Variants in EDA observed in about 807,000 individuals in gnomAD.
EDA encodes ectodysplasin A.
In EDA, 2 loss-of-function variants were observed where a neutral mutation model predicts 23.6. The ratio of observed to expected loss-of-function variants is 0.08; its 90% CI spans 0.03 to 0.27. The LOEUF is 0.27. Ranked by LOEUF, EDA falls within the 10% of genes least tolerant of loss-of-function variation. The pLI is 1.00. For missense variants in EDA, 229 were observed against 324.2 expected, an observed-to-expected ratio of 0.71 and a Z score of 2.26; for synonymous variants, 131 against 132.0, an observed-to-expected ratio of 0.99 and a Z score of 0.05.
chrX:69,948,514 C>A (rs1387722818), intron 1 of EDA, among the ~76,000 whole-genome samples: 5 of 111,901 alleles, frequency 4.5e-5, no homozygotes, highest in African/African-American at 1.6e-4. Flanking sequence ...CACCACCACC[C>A]CCACCCCACT....
chrX:69,999,340 T>C (rs1265707423), intron 2 of EDA, among the ~76,000 whole-genome samples: 3 of 111,356 alleles, frequency 2.7e-5, no homozygotes, highest in African/African-American at 9.8e-5. Flanking sequence ...GGGCTAAGTA[T>C]AGTGGCTCAC....
intron 1 of EDA, among the ~76,000 whole-genome samples, chrX:69,652,485 TA>T (rs1025892627): frequency 9.0e-6 from 1 of 111,652 alleles, no homozygotes; most frequent in Non-Finnish European, 1.9e-5. Context: ...TGGCACAGAT[TA>T]AAAAAAGGGA....
intron 1 of EDA, among the ~76,000 whole-genome samples, chrX:69,823,682 A>G (rs572553847): frequency 7.2e-5 from 7 of 97,193 alleles, no homozygotes; most frequent in Non-Finnish European, 1.2e-4. Flanking sequence ...CTTTTGCTGT[A>G]CAGAAGCTCT....
At chrX:69,744,790 T>C (rs2013566597) in intron 1 of EDA, among the ~76,000 whole-genome samples, 2 of 111,886 alleles carry the variant, frequency 1.8e-5, no homozygotes, top group Admixed American at 1.9e-4. Context: ...TCGATCCTTA[T>C]AATGGTGCTT....
chrX:69,969,473 G>A (rs1326301025), intron 2 of EDA, among the ~76,000 whole-genome samples: 2 of 111,580 alleles, frequency 1.8e-5, no homozygotes, highest in Non-Finnish European at 3.8e-5. Flanking sequence ...AGATTATAAA[G>A]TATGAATTGT....
intron 1 of EDA, among the ~76,000 whole-genome samples, chrX:69,872,665 T>A (rs1036298753): frequency 7.2e-5 from 8 of 111,791 alleles, no homozygotes; most frequent in African/African-American, 1.3e-4. Flanking sequence ...AACATTATAT[T>A]AATGATAGAA....
At chrX:70,003,890 G>C (rs1470714429) in intron 2 of EDA, among the ~76,000 whole-genome samples, 1 of 111,489 alleles carries the variant, frequency 9.0e-6, no homozygotes, top group East Asian at 2.8e-4. Context: ...ATGTCACACA[G>C]GACCCTGGTG....
At chrX:69,773,501 G>A (rs925759197) in intron 1 of EDA, among the ~76,000 whole-genome samples, 1 of 111,710 alleles carries the variant, frequency 9.0e-6, no homozygotes, top group African/African-American at 3.3e-5. Flanking sequence ...GTTTTCCACA[G>A]CAGCTCCACC....
At chrX:69,939,991 G>A (rs68183758) in intron 1 of EDA, among the ~76,000 whole-genome samples, 4,068 of 111,292 alleles carry the variant, frequency 0.037, 190 homozygotes, top group African/African-American at 0.13. Context: ...CAGTTTGCTA[G>A]TATTTTGTTG....
intron 1 of EDA, among the ~76,000 whole-genome samples, chrX:69,740,427 GT>G (rs1287818127): frequency 2.7e-5 from 3 of 109,143 alleles, no homozygotes; most frequent in Admixed American, 9.7e-5. Flanking sequence ...GGTTGATGGT[GT>G]TTTTTTTTGT....
intron 1 of EDA, among the ~76,000 whole-genome samples, chrX:69,789,882 A>G (rs1162302161): frequency 8.9e-6 from 1 of 112,256 alleles, no homozygotes; most frequent in East Asian, 2.8e-4. Context: ...GGAAAATTGA[A>G]GCAGAGAGGC....
At position 69,946,184 on chromosome X, in the gene EDA, T is replaced by A. The variant is rs1172435736; in HGVS notation, c.397-10843T>A. On this transcript the variant is annotated intron_variant, in intron 1 of 7. Transcript: ENST00000374552. ...AATCCTCGGGTTTGTTTCAGGCTTT[T>A]ATTATGGACTAAATCCTTGCTGATT... Among the ~76,000 whole-genome samples, 3 of 111,957 alleles carry A rather than the reference T, an allele frequency of 2.7e-5. No individual in the cohort carries two copies. In the East Asian group the frequency reaches 8.4e-4, roughly 31 times the overall value.
intron 1 of EDA, among the ~76,000 whole-genome samples, chrX:69,674,840 T>C (rs1204306326): frequency 8.9e-6 from 1 of 111,780 alleles, no homozygotes; most frequent in Non-Finnish European, 1.9e-5. Flanking sequence ...ACTAATTTAC[T>C]ACCACCTTCT....
chrX:69,998,874 C>T (rs1270922429), intron 2 of EDA, among the ~76,000 whole-genome samples: 1 of 111,640 alleles, frequency 9.0e-6, no homozygotes, highest in African/African-American at 3.3e-5. Context: ...ACTGTGAGGC[C>T]TCCCCAGCCA....
intron 1 of EDA, among the ~76,000 whole-genome samples, chrX:69,832,933 T>C: frequency 9.0e-6 from 1 of 111,690 alleles, no homozygotes; most frequent in East Asian, 2.8e-4. Context: ...CTTAAGGAGA[T>C]TTTGGGCTGA....
chrX:69,987,212 C>T (rs2019507486), intron 2 of EDA, among the ~76,000 whole-genome samples: 1 of 92,927 alleles, frequency 1.1e-5, no homozygotes, highest in South Asian at 5.4e-4. Flanking sequence ...CAGCATGGCA[C>T]ATGTATACAT....
intron 1 of EDA, among the ~76,000 whole-genome samples, chrX:69,731,151 T>C (rs1425544852): frequency 8.9e-6 from 1 of 111,919 alleles, no homozygotes; most frequent in African/African-American, 3.2e-5. Context: ...GAGTTTTTCA[T>C]GGTATTCCAC....
chrX:69,872,915 A>G (rs187790995), intron 1 of EDA, among the ~76,000 whole-genome samples: 7 of 111,961 alleles, frequency 6.3e-5, no homozygotes, highest in African/African-American at 1.6e-4. Flanking sequence ...AGATATATAC[A>G]GAACATTCTA....
chrX:69,670,292 T>G (rs1295255076), intron 1 of EDA: 2 of 390,993 alleles, frequency 5.1e-6, no homozygotes, highest in Non-Finnish European at 8.8e-6. Flanking sequence ...GGATATTCCT[T>G]TGTATGTGAC....
Sources: allele counts gnomAD v4.1 joint callset (sites outside exome capture counted in the v4.1 genomes callset), GRCh38; gene constraint gnomAD v4.1.1; transcripts MANE v1.5; gene names NCBI Gene and HGNC (gene_info 2026-07-23, HGNC 2026-07-21).